The following CCL25 variants were observed in gnomAD, a reference collection of about 807,000 sequenced individuals.
The protein encoded by CCL25 is C-C motif chemokine ligand 25, also known as C-C motif chemokine 25.
In CCL25, 14 loss-of-function variants were observed where a neutral mutation model predicts 19.9. The ratio of observed to expected loss-of-function variants is 0.70; its 90% CI spans 0.47 to 1.10. The LOEUF (loss-of-function observed/expected upper bound fraction) is 1.10, where lower values mean the gene tolerates loss of function less well. Ranked by LOEUF, CCL25 falls within the 50% of genes least tolerant of loss-of-function variation. The pLI is 0.00. For synonymous variants in CCL25, 68 were observed against 73.2 expected (o/e 0.93, Z 0.36); for missense variants, 151 against 181.2 (o/e 0.83, Z 0.96).
At position 8,062,275 on chromosome 19, in the gene CCL25, C is replaced by G. The variant is rs1350051050; in HGVS notation, c.*50C>G. 1 of 1,608,996 alleles carries G rather than the reference C, an allele frequency of 6.2e-7. No individual in the cohort carries two copies. The highest frequency in any genetic ancestry group is 1.3e-5 in the African/African-American group (1 of 74,778). On this transcript the variant is annotated 3_prime_UTR_variant, in exon 6 of 6. Coordinates refer to ENST00000315626, the MANE Select transcript of CCL25 (RefSeq NM_005624.4). ...GGCACAGGAGGGGCCGGATCTTTCT[C>G]CGATAAAACCGTCGCCCTACAGACC... is the stretch of plus-strand genomic sequence containing the variant.
intron 5 of CCL25, among the ~76,000 whole-genome samples, chr19:8,058,630 A>AATAATAT (rs1156924675): frequency 1.5e-5 from 2 of 132,786 alleles, no homozygotes; most frequent in Non-Finnish European, 3.1e-5. Flanking sequence ...ATAATGTATA[A>AATAATAT]ATAATATATA....
intron 5 of CCL25, among the ~76,000 whole-genome samples, chr19:8,059,150 T>TATA (rs1568336050): frequency 6.7e-3 from 105 of 15,748 alleles, no homozygotes; most frequent in Non-Finnish European, 0.01. Context: ...ATATAATATA[T>TATA]AATATATATA....
At position 8,056,221 on chromosome 19, in the gene CCL25, C is replaced by T. The variant is rs955876069; in HGVS notation, c.143C>T (p.Thr48Ile). Residue 48 changes from threonine (T) to isoleucine (I), a missense_variant, in exon 3 of 6, where the codon ACT becomes ATT. Physicochemically the swap from Thr to Ile is moderately conservative, Grantham distance 89. Transcript: ENST00000315626. Reference sequence around the variant, plus strand: ...TGGGCTGTGCTCCGGCGCGCCTGGACTTACCGGATCCAGGAGGTGAGCGGG... The same window carrying T: ...TGGGCTGTGCTCCGGCGCGCCTGGATTTACCGGATCCAGGAGGTGAGCGGG... ...IGWAVLRRAW[T>I]YRIQEVSGSC... 1 of 1,577,748 alleles carries T rather than the reference C, an allele frequency of 6.3e-7. No homozygotes were observed. Among genetic ancestry groups the T allele is most frequent in the Non-Finnish European group, 8.6e-7 (1 of 1,162,512 alleles).
chr19:8,060,287 G>A (rs2081308802), intron 5 of CCL25, among the ~76,000 whole-genome samples: 1 of 152,038 alleles, frequency 6.6e-6, no homozygotes, highest in African/African-American at 2.4e-5. Context: ...GTTGCAGTGA[G>A]CTATGATCAT....
intron 5 of CCL25, among the ~76,000 whole-genome samples, chr19:8,061,358 G>T (rs1330556368): frequency 6.6e-6 from 1 of 151,738 alleles, no homozygotes; most frequent in Non-Finnish European, 1.5e-5. Context: ...TGTTGGCCAG[G>T]CTGGTCTCAA....
intron 4 of CCL25, among the ~76,000 whole-genome samples, chr19:8,057,452 C>A (rs2081280772): frequency 6.6e-6 from 1 of 152,182 alleles, no homozygotes; most frequent in South Asian, 2.1e-4. Flanking sequence ...ACGTCAGCCT[C>A]CCAAGTAGCT....
At chr19:8,056,627 GC>G in intron 4 of CCL25, 128 bp downstream of exon 4, 3 of 1,048,200 alleles carry the variant, frequency 2.9e-6, no homozygotes, top group Non-Finnish European at 4.1e-6. Flanking sequence ...CCCAAACAAA[GC>G]CAGTTGCTGG....
intron 2 of CCL25, 38 bp downstream of exon 2, chr19:8,053,160 C>T (rs578244420): frequency 1.5e-6 from 2 of 1,355,030 alleles, no homozygotes; most frequent in East Asian, 2.6e-5. Flanking sequence ...AAGTGCCCCT[C>T]TCCCCATGCC....
Position 8,056,351 on chromosome 19 carries a change from C to A in CCL25, c.192-15C>A. On this transcript the variant is annotated splice_polypyrimidine_tract_variant and intron_variant, in intron 3 of 5. Transcript: ENST00000315626. Reference sequence around the variant, plus strand: ...CCTACACCCTAACCTGGGCACCCCCCTCTGCTCACCACAGATTCTACCTCC... The same window carrying A: ...CCTACACCCTAACCTGGGCACCCCCATCTGCTCACCACAGATTCTACCTCC... 6.2e-7 allele frequency: 1 copy of A among 1,612,786 alleles called. No homozygotes were observed. Among genetic ancestry groups the A allele is most frequent in the South Asian group, 1.1e-5 (1 of 90,748 alleles).
Position 8,062,239 on chromosome 19 carries a change from T to C in CCL25, c.*14T>C. 2 of 1,612,964 alleles carry C rather than the reference T, an allele frequency of 1.2e-6. No individual in the cohort carries two copies. The highest frequency in any genetic ancestry group is 1.7e-6 in the Non-Finnish European group (2 of 1,179,966). On this transcript the variant is annotated 3_prime_UTR_variant, in exon 6 of 6. Coordinates refer to ENST00000315626, the MANE Select transcript of CCL25 (RefSeq NM_005624.4). The stretch of plus-strand genomic sequence containing the variant: ...GCAGGACTGTGAGCCGGCTCATTTC[T>C]GGGCTCCATCGGCACAGGAGGGGCC...
intron 3 of CCL25, 39 bp downstream of exon 3, chr19:8,056,308 A>T: frequency 1.2e-6 from 2 of 1,604,780 alleles, no homozygotes. Flanking sequence ...TGGGGTGCAC[A>T]CACAGCCTTG....
intron 5 of CCL25, among the ~76,000 whole-genome samples, chr19:8,058,712 G>T (rs1484936675): frequency 7.3e-6 from 1 of 137,598 alleles, no homozygotes; most frequent in Non-Finnish European, 1.5e-5. Flanking sequence ...AGGCTGGAGT[G>T]CAGTGGCGCG....
chr19:8,058,820 G>C (rs887536082), intron 5 of CCL25, among the ~76,000 whole-genome samples: 1 of 140,070 alleles, frequency 7.1e-6, no homozygotes, highest in Non-Finnish European at 1.5e-5. Flanking sequence ...CACCACGCTG[G>C]GCTAATTTTT....
At chr19:8,062,068 A>AAG in intron 5 of CCL25, 150 bp from the exon 6 acceptor site, 1 of 604,088 alleles carries the variant, frequency 1.7e-6, no homozygotes. Context: ...AAAAAAAAAA[A>AAG]GTTAGCATAA....
At chr19:8,058,053 G>C in intron 5 of CCL25, 133 bp downstream of exon 5, 2 of 1,412,522 alleles carry the variant, frequency 1.4e-6, no homozygotes, top group Non-Finnish European at 1.9e-6. Flanking sequence ...GGTCAGTGCC[G>C]CAGATTCACA....
intron 5 of CCL25, among the ~76,000 whole-genome samples, chr19:8,061,438 C>T (rs1468441365): frequency 6.6e-6 from 1 of 152,182 alleles, no homozygotes; most frequent in African/African-American, 2.4e-5. Context: ...AGCCACCATG[C>T]CCAGCCAACC....
rs2081325936 is a variant in CCL25 at position 8,062,622 on chromosome 19, T to C, written c.*397T>C. 1 of 195,872 alleles carries C rather than the reference T, an allele frequency of 5.1e-6. No homozygotes were observed. Among genetic ancestry groups the C allele is most frequent in the African/African-American group, 2.3e-5 (1 of 43,134 alleles). The allele number at this position is 195,872 out of a possible 1,614,324, so 12.1% of individuals were successfully genotyped here. A position where few individuals can be genotyped will look rare whatever the true frequency, so the allele number is the denominator to read the frequency against. On this transcript the variant is annotated 3_prime_UTR_variant, in exon 6 of 6. Transcript: ENST00000315626. ...CCAGGCTATGCTTTTCTATAACTTT[T>C]AAATAAACCTTGGGGGGTGATGGAG...
chr19:8,057,664 T>C, intron 4 of CCL25, 137 bp from the exon 5 acceptor site: 1 of 1,322,874 alleles, frequency 7.6e-7, no homozygotes, highest in Non-Finnish European at 1.0e-6. Context: ...CACTTTCCAC[T>C]GGTACAGATG....
chr19:8,054,425 G>A (rs571856128), intron 2 of CCL25, among the ~76,000 whole-genome samples: 3 of 152,332 alleles, frequency 2.0e-5, no homozygotes, highest in East Asian at 1.9e-4. Flanking sequence ...CAGAGGCCGC[G>A]GTTGGGAGAC....
Sources: allele counts gnomAD v4.1 joint callset (sites outside exome capture counted in the v4.1 genomes callset), GRCh38; gene constraint gnomAD v4.1.1; transcripts MANE v1.5; gene names NCBI Gene and HGNC (gene_info 2026-07-23, HGNC 2026-07-21).